ADGRV1: variants seen among roughly 807,000 people sequenced by gnomAD.
The protein encoded by ADGRV1 is G-protein coupled receptor 98.
In ADGRV1, 359 loss-of-function variants were observed where a neutral mutation model predicts 596.2. The ratio of observed to expected loss-of-function variants is 0.60; its 90% CI spans 0.55 to 0.66. The LOEUF (loss-of-function observed/expected upper bound fraction) is 0.66, where lower values mean the gene tolerates loss of function less well. Ranked by LOEUF, ADGRV1 falls within the 30% of genes least tolerant of loss-of-function variation. The pLI, the probability that ADGRV1 is intolerant of heterozygous loss-of-function variation, is 0.00. For missense variants in ADGRV1, 7,274 were observed against 7,575.6 expected (o/e 0.96, Z 1.48); for synonymous variants, 2,681 against 2,679.2 (o/e 1.00, Z -0.02).
rs558008825 is a variant in ADGRV1 at position 91,003,615 on chromosome 5, A to T, written c.18152+18093A>T. Among the ~76,000 whole-genome samples, 1 of 152,212 alleles carries T rather than the reference A, an allele frequency of 6.6e-6. No individual in the cohort carries two copies. Among genetic ancestry groups the T allele is most frequent in the Non-Finnish European group, 1.5e-5 (1 of 68,036 alleles). On this transcript the variant is annotated intron_variant, in intron 85 of 89. Coordinates refer to ENST00000405460, the MANE Select transcript of ADGRV1 (RefSeq NM_032119.4). ...TTGATAAACAGGGAGGGAAATCCTG[A>T]ACGTAATTAAATGTGTGTACACACT...
intron 87 of ADGRV1, among the ~76,000 whole-genome samples, chr5:91,145,330 G>T (rs1795442121): frequency 6.6e-6 from 1 of 152,202 alleles, no homozygotes; most frequent in Non-Finnish European, 1.5e-5. Context: ...CTCAGAGATG[G>T]ATTTTAAAGC....
chr5:90,961,159 T>C (rs576592922), intron 83 of ADGRV1, among the ~76,000 whole-genome samples: 4 of 152,236 alleles, frequency 2.6e-5, no homozygotes, highest in African/African-American at 7.2e-5. Flanking sequence ...TCTAGGTATC[T>C]GCCATGATCA....
chr5:90,773,307 C>T (rs574269375), intron 59 of ADGRV1, among the ~76,000 whole-genome samples: 29 of 151,712 alleles, frequency 1.9e-4, no homozygotes, highest in Non-Finnish European at 3.7e-4. Context: ...AAAGGGAGAT[C>T]GAAATGGGCT....
intron 9 of ADGRV1, chr5:90,630,639 C>T (rs910698041): frequency 6.6e-6 from 1 of 152,258 alleles, no homozygotes; most frequent in African/African-American, 2.4e-5. Context: ...TCTTATGTTG[C>T]CATACATTGT....
At chr5:91,092,733 A>G (rs1175500511) in intron 86 of ADGRV1, 1 of 152,244 alleles carries the variant, frequency 6.6e-6, no homozygotes, top group Non-Finnish European at 1.5e-5. Flanking sequence ...GGAAAACTAT[A>G]GAAGATGAGA....
At chr5:91,103,815 T>A (rs1562224073) in intron 87 of ADGRV1, among the ~76,000 whole-genome samples, 2 of 151,850 alleles carry the variant, frequency 1.3e-5, no homozygotes, top group Non-Finnish European at 2.9e-5. Flanking sequence ...AATAAATGAG[T>A]GTATGGTTAG....
chr5:90,738,645 G>A (rs1342807484), intron 50 of ADGRV1, among the ~76,000 whole-genome samples: 1 of 151,990 alleles, frequency 6.6e-6, no homozygotes, highest in Non-Finnish European at 1.5e-5. Flanking sequence ...CTCTCTCATG[G>A]TCTGCAGGGT....
intron 33 of ADGRV1, among the ~76,000 whole-genome samples, chr5:90,695,710 G>C (rs1253020679): frequency 6.6e-6 from 1 of 152,046 alleles, no homozygotes; most frequent in Non-Finnish European, 1.5e-5. Context: ...TTATGTTTTA[G>C]AGTAAATTTT....
In ADGRV1 at chr5:90,629,375, T is replaced by C. The variant is rs779671690; in HGVS notation, c.1675T>C (p.Tyr559His). 5.0e-6 allele frequency: 8 copies of C among 1,613,616 alleles called. No individual in the cohort carries two copies. The African/African-American group carries it at 5.3e-5, about 11-fold the overall frequency. ...GDVRLLYSVL[Y>H]IPAGAVDPLQ... is the part of the protein sequence containing the mutation. ...TGTGAGGTTGCTTTATTCTGTACTT[T>C]ACATTCCTGCTGGAGCTGTGGACCC... is the stretch of plus-strand genomic sequence containing the variant. Residue 559 changes from tyrosine (Y) to histidine (H), a missense_variant, in exon 9 of 90, where the codon TAC (tyrosine) becomes CAC (histidine). Transcript: ENST00000405460.
At chr5:90,759,691 C>T in intron 58 of ADGRV1, 103 bp downstream of exon 58, 1 of 959,304 alleles carries the variant, frequency 1.0e-6, no homozygotes, top group Non-Finnish European at 1.6e-6. Context: ...CTTGGCCAGG[C>T]ATGGTGGCTC....
chr5:90,868,928 G>A (rs879738221), intron 83 of ADGRV1, among the ~76,000 whole-genome samples: 2 of 152,126 alleles, frequency 1.3e-5, no homozygotes, highest in African/African-American at 4.8e-5. Context: ...AGCCAGACCC[G>A]CATCTCAGGT....
intron 87 of ADGRV1, among the ~76,000 whole-genome samples, chr5:91,135,012 T>G (rs574124668): frequency 6.6e-4 from 101 of 152,024 alleles, no homozygotes; most frequent in African/African-American, 2.0e-3. Context: ...TGAAACCCCG[T>G]CTCTACAAGA....
intron 87 of ADGRV1, among the ~76,000 whole-genome samples, chr5:91,128,077 G>T (rs7733007): frequency 0.064 from 9,745 of 151,704 alleles, 723 homozygotes; most frequent in African/African-American, 0.18. Context: ...CTTGCAACCT[G>T]TCTCCCAATG....
chr5:90,997,060 G>A (rs993510846), intron 85 of ADGRV1, among the ~76,000 whole-genome samples: 7 of 152,108 alleles, frequency 4.6e-5, no homozygotes, highest in Admixed American at 4.6e-4. Context: ...ATAAGATTTT[G>A]GACTTGAACT....
intron 1 of ADGRV1, among the ~76,000 whole-genome samples, chr5:90,608,512 A>G (rs1328233382): frequency 6.6e-6 from 1 of 152,066 alleles, no homozygotes; most frequent in Non-Finnish European, 1.5e-5. Flanking sequence ...TTTGAAAACA[A>G]TGGACTGAGG....
At position 90,750,712 on chromosome 5, in the gene ADGRV1, A is replaced by T; in HGVS notation, c.11121+15A>T. ...CCTCAGGAGTGGTATGTAATTTACA[A>T]AGTTATAGGAAACACTTTTAAATTA... On this transcript the variant is annotated intron_variant, in intron 53 of 89. Transcript: ENST00000405460. 6.2e-7 allele frequency: 1 copy of T among 1,600,370 alleles called. No individual in the cohort carries two copies.
chr5:90,710,309 C>G (rs1417247061), intron 39 of ADGRV1, among the ~76,000 whole-genome samples: 1 of 152,086 alleles, frequency 6.6e-6, no homozygotes, highest in East Asian at 1.9e-4. Context: ...TTAAGACTAG[C>G]CCAGGAGCAG....
intron 83 of ADGRV1, among the ~76,000 whole-genome samples, chr5:90,924,459 C>T (rs2150757768): frequency 6.6e-6 from 1 of 151,426 alleles, no homozygotes; most frequent in Non-Finnish European, 1.5e-5. Flanking sequence ...ATGTCCTTCG[C>T]CCACTTTTTG....
chr5:90,625,140 G>A lies in ADGRV1; in HGVS notation c.569G>A (p.Gly190Asp), dbSNP rs369418418. 2.5e-6 allele frequency: 4 copies of A among 1,606,900 alleles called. No individual in the cohort carries two copies. The highest frequency in any genetic ancestry group is 3.4e-6 in the Non-Finnish European group (4 of 1,174,862). ...TGTGTTTCTTTGCAGGTAGAGGGTGGCCCAAATCCCCCTGATGAAGATTTG... is the reference window on the plus strand; with the variant it reads ...TGTGTTTCTTTGCAGGTAGAGGGTGACCCAAATCCCCCTGATGAAGATTTG... ...MVMVTFEVEG[G>D]PNPPDEDLSP... The change falls in exon 6 of 90, where the codon GGC becomes GAC. Residue 190 changes from glycine (G) to aspartate (D), a missense_variant. Transcript: ENST00000405460.
Sources: allele counts gnomAD v4.1 joint callset (sites outside exome capture counted in the v4.1 genomes callset), GRCh38; gene constraint gnomAD v4.1.1; transcripts MANE v1.5; gene names NCBI Gene and HGNC (gene_info 2026-07-23, HGNC 2026-07-21).